Variants in SLC4A10 observed in about 807,000 individuals in gnomAD.
The protein encoded by SLC4A10 is solute carrier family 4 member 10, also known as sodium-driven chloride bicarbonate exchanger.
A neutral mutation model predicts 137.7 loss-of-function variants in SLC4A10; 42 were observed. The observed-to-expected ratio is 0.30, with a 90% CI of 0.24 to 0.39. SLC4A10 has a LOEUF of 0.39. Ranked by LOEUF, SLC4A10 falls within the 10% of genes least tolerant of loss-of-function variation. SLC4A10 has a pLI of 1.00. For synonymous variants in SLC4A10, 474 were observed against 464.1 expected (o/e 1.02, Z -0.27); for missense variants, 925 against 1,355.0 (o/e 0.68, Z 4.98).
chr2:161,725,900 A>G (rs2046170591), intron 1 of SLC4A10, among the ~76,000 whole-genome samples: 1 of 152,186 alleles, frequency 6.6e-6, no homozygotes, highest in Non-Finnish European at 1.5e-5. Flanking sequence ...AGAATACTAA[A>G]CCTACTTCTG....
At chr2:161,758,734 G>A (rs1320632106) in intron 1 of SLC4A10, among the ~76,000 whole-genome samples, 1 of 151,810 alleles carries the variant, frequency 6.6e-6, no homozygotes, top group African/African-American at 2.4e-5. Flanking sequence ...CTTGCTAATT[G>A]CATTTAAAAA....
chr2:161,731,766 T>C (rs971846902), intron 1 of SLC4A10, among the ~76,000 whole-genome samples: 1 of 152,192 alleles, frequency 6.6e-6, no homozygotes, highest in African/African-American at 2.4e-5. Context: ...CATGAGATTA[T>C]ACATGACTTA....
chr2:161,857,649 TCTC>T (rs2060182940), intron 5 of SLC4A10, among the ~76,000 whole-genome samples: 1 of 152,168 alleles, frequency 6.6e-6, no homozygotes, highest in Non-Finnish European at 1.5e-5. Flanking sequence ...ATTTTTTACT[TCTC>T]CTATTTTCAT....
chr2:161,809,130 C>T (rs2056302940), intron 3 of SLC4A10, among the ~76,000 whole-genome samples: 2 of 152,006 alleles, frequency 1.3e-5, no homozygotes, highest in South Asian at 4.1e-4. Context: ...CATGGTATCT[C>T]ATTGTGGTTT....
At position 161,901,081 on chromosome 2, in the gene SLC4A10, C is replaced by G. The variant is rs747342631; in HGVS notation, c.1442+70C>G. On this transcript the variant is annotated intron_variant, in intron 12 of 26. Coordinates refer to ENST00000446997, the MANE Select transcript of SLC4A10 (RefSeq NM_001178015.2). ...TACCATTCTTCTCTGTCAGAAATTG[C>G]TATTTTGGGATCTAATTTATTGTAT... 3 of 1,175,040 alleles carry G rather than the reference C, an allele frequency of 2.6e-6. No homozygotes were observed. The South Asian group carries it at 4.0e-5, about 15-fold the overall frequency. 72.8% of individuals were successfully genotyped at this position (1,175,040 alleles called of 1,614,324 possible). A position where few individuals can be genotyped will look rare whatever the true frequency, so the allele number is the denominator to read the frequency against.
chr2:161,904,189 T>C lies in SLC4A10; in HGVS notation c.1617+11T>C, dbSNP rs1175545608. ...ACTGAAGGGCGTATAGTATGTATTA[T>C]GCTTTTCTCTGAACTTTGAAACATA... On this transcript the variant is annotated intron_variant, in intron 13 of 26. Transcript: ENST00000446997. 1 of 1,587,692 alleles carries C rather than the reference T, an allele frequency of 6.3e-7. No homozygotes were observed. The highest frequency in any genetic ancestry group is 8.6e-7 in the Non-Finnish European group (1 of 1,165,932).
chr2:161,652,587 A>G (rs982512410), intron 1 of SLC4A10, among the ~76,000 whole-genome samples: 6 of 152,162 alleles, frequency 3.9e-5, no homozygotes, highest in Admixed American at 6.5e-5. Context: ...AAATATTTTT[A>G]TTTTATAGTG....
intron 2 of SLC4A10, among the ~76,000 whole-genome samples, chr2:161,797,987 GT>G (rs1458386168): frequency 2.6e-4 from 40 of 151,804 alleles, no homozygotes. Context: ...ACCAGCACTA[GT>G]TTAACACTGT....
chr2:161,849,634 C>T (rs2059707530), intron 4 of SLC4A10, among the ~76,000 whole-genome samples: 1 of 152,020 alleles, frequency 6.6e-6, no homozygotes. Flanking sequence ...TTATCAAAAG[C>T]CTTTTCTGCA....
At chr2:161,753,947 T>G (rs754207412) in intron 1 of SLC4A10, among the ~76,000 whole-genome samples, 1 of 151,744 alleles carries the variant, frequency 6.6e-6, no homozygotes, top group African/African-American at 2.4e-5. Flanking sequence ...TGGAGTGCAG[T>G]GGCGCAATCT....
chr2:161,635,343 T>C (rs2034238621), intron 1 of SLC4A10, among the ~76,000 whole-genome samples: 1 of 152,084 alleles, frequency 6.6e-6, no homozygotes, highest in South Asian at 2.1e-4. Flanking sequence ...TTTCTGGGCA[T>C]TTTTCTGCTA....
At chr2:161,700,675 G>A (rs1248423912) in intron 1 of SLC4A10, among the ~76,000 whole-genome samples, 1 of 152,018 alleles carries the variant, frequency 6.6e-6, no homozygotes, top group African/African-American at 2.4e-5. Context: ...TTACAGATGA[G>A]GAAACTTAAG....
chr2:161,954,800 A>T (rs972306632), intron 19 of SLC4A10, among the ~76,000 whole-genome samples: 1 of 152,184 alleles, frequency 6.6e-6, no homozygotes, highest in African/African-American at 2.4e-5. Context: ...ATTTCCTCTG[A>T]AAGAATTATT....
At chr2:161,796,274 T>A (rs533528963) in intron 2 of SLC4A10, among the ~76,000 whole-genome samples, 1 of 152,316 alleles carries the variant, frequency 6.6e-6, no homozygotes, top group East Asian at 1.9e-4. Flanking sequence ...CATAATTCTG[T>A]AGGTTGTGAA....
chr2:161,685,629 AACAAAC>A (rs1367751158), intron 1 of SLC4A10, among the ~76,000 whole-genome samples: 2 of 144,170 alleles, frequency 1.4e-5, no homozygotes, highest in African/African-American at 5.3e-5. Context: ...CAAACAAACA[AACAAAC>A]AAAAAAAAAA....
At chr2:161,701,839 A>G (rs1489531797) in intron 1 of SLC4A10, among the ~76,000 whole-genome samples, 3 of 151,576 alleles carry the variant, frequency 2.0e-5, no homozygotes, top group South Asian at 2.1e-4. Flanking sequence ...TATGCAAATC[A>G]AAACCACAAC....
intron 21 of SLC4A10, among the ~76,000 whole-genome samples, chr2:161,960,336 C>G (rs1370214595): frequency 6.9e-6 from 1 of 144,428 alleles, no homozygotes; most frequent in South Asian, 2.2e-4. Flanking sequence ...TGCACTCCAG[C>G]CTGGGAGGCA....
At chr2:161,773,934 C>A (rs1353587241) in intron 2 of SLC4A10, among the ~76,000 whole-genome samples, 1 of 151,730 alleles carries the variant, frequency 6.6e-6, no homozygotes, top group African/African-American at 2.4e-5. Flanking sequence ...TTCTTTCAAT[C>A]TATCTCAGTG....
intron 1 of SLC4A10, among the ~76,000 whole-genome samples, chr2:161,733,682 T>C (rs949088824): frequency 3.3e-5 from 5 of 152,156 alleles, no homozygotes; most frequent in Non-Finnish European, 7.4e-5. Flanking sequence ...GGGAGTACAA[T>C]TCAAGAAGAG....
Sources: gnomAD v4.1 joint callset for allele counts (sites outside exome capture counted in the v4.1 genomes callset) on GRCh38, gnomAD v4.1.1 for gene constraint, MANE v1.5 for transcripts, NCBI Gene and HGNC (gene_info 2026-07-23, HGNC 2026-07-21) for gene names.